The following NUF2 variants were observed in gnomAD, a reference collection of about 807,000 sequenced individuals.
NUF2 encodes NUF2 component of NDC80 kinetochore complex.
A neutral mutation model predicts 61.8 loss-of-function variants in NUF2; 34 were observed. The observed-to-expected ratio is 0.55, with a 90% CI of 0.42 to 0.73. NUF2 has a LOEUF of 0.73. Ranked by LOEUF, NUF2 falls within the 30% of genes least tolerant of loss-of-function variation. The pLI, the probability that NUF2 is intolerant of heterozygous loss-of-function variation, is 0.00. For missense variants in NUF2, 445 were observed against 539.1 expected (o/e 0.83, Z 1.73); for synonymous variants, 172 against 181.6 (o/e 0.95, Z 0.42).
rs749583441 is a variant in NUF2, at chr1:163,328,861, TA to T, written c.292del (p.Ile98SerfsTer4). The T allele has an allele frequency of 2.2e-5, 36 of 1,607,382 alleles. No homozygotes were observed. The highest frequency in any genetic ancestry group is 2.9e-5 in the Non-Finnish European group (34 of 1,174,616). On this transcript the variant is annotated frameshift_variant, in exon 5 of 14. Coordinates refer to ENST00000271452, the MANE Select transcript of NUF2 (RefSeq NM_145697.3). LOFTEE classifies it high-confidence loss of function. ...CATCTTCAAGGGACTCATTTTTGCC[TA>T]TCTGCCGGGTGAATGACTTTGAGAC... ...LVTHLDSFLP[I>X]CRVNDFETAD...
chr1:163,355,662 T>G lies in NUF2; in HGVS notation c.*193T>G, dbSNP rs1571406484. On this transcript the variant is annotated 3_prime_UTR_variant, in exon 14 of 14. Transcript: ENST00000271452. The stretch of plus-strand genomic sequence containing the variant: ...TTATTAATTTATAATTAAAATAACT[T>G]GTGCAGCTATTCATGTCTCTACTCT... The G allele has an allele frequency of 5.4e-6, 2 of 369,458 alleles. No individual in the cohort carries two copies. The highest frequency in any genetic ancestry group is 4.2e-5 in the African/African-American group (2 of 47,390). 22.9% of individuals were successfully genotyped at this position (369,458 alleles called of 1,614,324 possible).
chr1:163,333,448 A>G (rs936315844), intron 5 of NUF2, among the ~76,000 whole-genome samples: 1 of 151,628 alleles, frequency 6.6e-6, no homozygotes, highest in African/African-American at 2.4e-5. Context: ...CCTTTATACT[A>G]TTTGTTTTCT....
chr1:163,349,080 G>C lies in NUF2; in HGVS notation c.1260G>C (p.Gln420His). Reference protein sequence around the residue: ...DAAEREKLKSQEIFLNLKTAL... With the variant: ...DAAEREKLKSHEIFLNLKTAL... Reference sequence around the variant, plus strand: ...CTGAAAGGGAGAAACTGAAGTCCCAGGTGAATATGTGTTCATAAGAAGTTA... The same window carrying C: ...CTGAAAGGGAGAAACTGAAGTCCCACGTGAATATGTGTTCATAAGAAGTTA... The change falls in exon 13 of 14, where the codon CAG becomes CAC. Residue 420 changes from glutamine (Q) to histidine (H), a missense_variant and splice_region_variant. Gln to His is a conservative substitution (Grantham distance 24). Coordinates refer to ENST00000271452, the MANE Select transcript of NUF2 (RefSeq NM_145697.3). 6.2e-7 allele frequency: 1 copy of C among 1,600,554 alleles called. No individual in the cohort carries two copies. Among genetic ancestry groups the C allele is most frequent in the East Asian group, 2.2e-5 (1 of 44,682 alleles).
rs771996262 is a variant in NUF2, at chr1:163,348,947, A to T, written c.1127A>T (p.Asp376Val). Residue 376 changes from aspartate (D) to valine (V), a missense_variant and splice_region_variant, in exon 13 of 14, where the codon GAT becomes GTT. Transcript: ENST00000271452. ...VKQYKRTVIE[D>V]CNKVQEKRGA... ...TAGCTGTCTCGATTTTCTTTCAGGG[A>T]TTGCAATAAAGTTCAAGAAAAAAGA... is the stretch of plus-strand genomic sequence containing the variant. The T allele has an allele frequency of 3.1e-6, 5 of 1,601,098 alleles. No individual in the cohort carries two copies. In the East Asian group the frequency reaches 1.1e-4, roughly 36 times the overall value.
chr1:163,343,924 A>G (rs568204977), intron 10 of NUF2, 54 bp downstream of exon 10: 83 of 1,145,260 alleles, frequency 7.2e-5, no homozygotes, highest in Admixed American at 5.8e-4. Context: ...AAATTAGCAA[A>G]TTCTTGTTTA....
chr1:163,339,189 G>T, intron 7 of NUF2, 192 bp from the exon 8 acceptor site: 1 of 529,658 alleles, frequency 1.9e-6, no homozygotes, highest in Non-Finnish European at 3.3e-6. Context: ...AACTGAAGGA[G>T]CTCATGTGAT....
At chr1:163,337,919 T>C (rs1650815881) in intron 6 of NUF2, 101 bp from the exon 7 acceptor site, 2 of 876,922 alleles carry the variant, frequency 2.3e-6, no homozygotes, top group Non-Finnish European at 3.7e-6. Context: ...ATCTTAAATT[T>C]TTTATTTCTG....
chr1:163,336,542 C>T (rs1650765412), intron 5 of NUF2, among the ~76,000 whole-genome samples: 1 of 151,928 alleles, frequency 6.6e-6, no homozygotes, highest in Non-Finnish European at 1.5e-5. Context: ...TTCTTCATGA[C>T]CAAAAGTGGT....
intron 13 of NUF2, among the ~76,000 whole-genome samples, chr1:163,351,953 A>G (rs1275977928): frequency 6.6e-6 from 1 of 152,140 alleles, no homozygotes; most frequent in Admixed American, 6.5e-5. Context: ...TCAAAAATCT[A>G]TGTTTCTTGT....
At chr1:163,328,976 T>C (rs1432759390) in intron 5 of NUF2, 69 bp downstream of exon 5, 2 of 680,264 alleles carry the variant, frequency 2.9e-6, no homozygotes, top group African/African-American at 4.3e-5. Context: ...CATCAGTAAA[T>C]GTAAAAAAAA....
At chr1:163,339,549 A>C (rs919659161) in intron 8 of NUF2, 72 bp downstream of exon 8, 2 of 831,378 alleles carry the variant, frequency 2.4e-6, no homozygotes, top group Admixed American at 1.9e-5. Context: ...CATATAGTGG[A>C]GGTAACAGCA....
At chr1:163,341,967 T>A (rs941352669) in intron 9 of NUF2, among the ~76,000 whole-genome samples, 2 of 152,138 alleles carry the variant, frequency 1.3e-5, no homozygotes, top group African/African-American at 4.8e-5. Context: ...GAATTAGGGA[T>A]TTTAGCTCTC....
chr1:163,332,043 G>GT lies in NUF2; in HGVS notation c.337+3144dup, dbSNP rs887450486. On this transcript the variant is annotated intron_variant, in intron 5 of 13. Coordinates refer to ENST00000271452, the MANE Select transcript of NUF2 (RefSeq NM_145697.3). The stretch of plus-strand genomic sequence containing the variant: ...TCATTTACTCTTTTTTTCTAGTTTT[G>GT]TTTTTTTTAAGGCAGTAAGCCAAGT... 4.0e-5 allele frequency among the ~76,000 whole-genome samples: 6 copies of GT among 150,020 alleles called. No homozygotes were observed. In the South Asian group the frequency reaches 6.3e-4, roughly 16 times the overall value.
intron 3 of NUF2, 192 bp downstream of exon 3, chr1:163,327,754 C>A: frequency 1.8e-6 from 1 of 545,396 alleles, no homozygotes; most frequent in Non-Finnish European, 3.2e-6. Flanking sequence ...TGGTTTATAT[C>A]CATAGATTTA....
At chr1:163,346,784 T>C (rs749737402) in intron 11 of NUF2, among the ~76,000 whole-genome samples, 1 of 152,084 alleles carries the variant, frequency 6.6e-6, no homozygotes, top group Non-Finnish European at 1.5e-5. Context: ...GAGTCAAGAC[T>C]GCAGTGAGCT....
intron 8 of NUF2, 195 bp from the exon 9 acceptor site, chr1:163,340,169 T>G (rs776458065): frequency 9.5e-5 from 49 of 513,406 alleles, no homozygotes; most frequent in Non-Finnish European, 1.5e-4. Context: ...TAGGCCATTA[T>G]TTGGAGTTAA....
chr1:163,326,181 G>A lies in NUF2; in HGVS notation c.123+7G>A. 2 of 1,611,542 alleles carry A rather than the reference G, an allele frequency of 1.2e-6. No individual in the cohort carries two copies. Among genetic ancestry groups the A allele is most frequent in the Non-Finnish European group, 1.7e-6 (2 of 1,178,544 alleles). ...TCTTTATCCAAATCCAAAGGTAAAA[G>A]GTGGTTACGTTTGCATGTGGATAAT... On this transcript the variant is annotated splice_region_variant and intron_variant, in intron 2 of 13. Coordinates refer to ENST00000271452, the MANE Select transcript of NUF2 (RefSeq NM_145697.3).
At position 163,347,847 on chromosome 1, in the gene NUF2, A is replaced by G. The variant is rs1488738271; in HGVS notation, c.1033A>G (p.Met345Val). Reference sequence around the variant, plus strand: ...TGAAGAAAATTCGTTCAAAAGACTGATGATTGTGAAGAAGGAAAAACTTGC... The same window carrying G: ...TGAAGAAAATTCGTTCAAAAGACTGGTGATTGTGAAGAAGGAAAAACTTGC... ...KTEENSFKRLMIVKKEKLATA... is the reference protein window; with the variant it reads ...KTEENSFKRLVIVKKEKLATA... The change falls in exon 12 of 14, where the codon ATG (methionine) becomes GTG (valine). Residue 345 changes from methionine (M) to valine (V), a missense_variant. By Grantham distance (21) the Met-to-Val change is conservative. Coordinates refer to ENST00000271452, the MANE Select transcript of NUF2 (RefSeq NM_145697.3). 1 of 1,612,318 alleles carries G rather than the reference A, an allele frequency of 6.2e-7. No individual in the cohort carries two copies. The highest frequency in any genetic ancestry group is 8.5e-7 in the Non-Finnish European group (1 of 1,179,328).
intron 13 of NUF2, among the ~76,000 whole-genome samples, chr1:163,350,577 C>T (rs1285387134): frequency 1.3e-5 from 2 of 152,242 alleles, no homozygotes; most frequent in East Asian, 3.9e-4. Flanking sequence ...TATTGTTAAC[C>T]TTAGCATATC....
Sources: allele counts gnomAD v4.1 joint callset (sites outside exome capture counted in the v4.1 genomes callset), GRCh38; gene constraint gnomAD v4.1.1; transcripts MANE v1.5; gene names NCBI Gene and HGNC (gene_info 2026-07-23, HGNC 2026-07-21).